The following TTLL8 variants were observed in gnomAD, a reference collection of about 807,000 sequenced individuals.
The protein encoded by TTLL8 is tubulin tyrosine ligase like 8, also known as protein monoglycylase TTLL8.
In TTLL8, 65 loss-of-function variants were observed where a neutral mutation model predicts 77.8. That is an observed-to-expected ratio of 0.84 (90% confidence interval 0.68 to 1.03). The LOEUF is 1.03. TTLL8 is among the 50% of genes least tolerant of loss of function. TTLL8 has a pLI of 0.00. For synonymous variants in TTLL8, 402 were observed against 422.8 expected (o/e 0.95, Z 0.60); for missense variants, 910 against 1,004.5 (o/e 0.91, Z 1.27).
At chr22:50,056,885 G>A (rs773465256), upstream of TTLL8, 58 of 1,289,552 alleles carry the variant, frequency 4.5e-5, no homozygotes, top group African/African-American at 1.8e-4. This position sits in a 1 kb window ranked among gnomAD's most constrained non-coding sequence, Gnocchi z 4.1. Context: ...CTTCTCTCCC[G>A]TCTCCATCTG....
At chr22:50,024,388 G>A (rs1281070165) in intron 12 of TTLL8, among the ~76,000 whole-genome samples, 1 of 152,146 alleles carries the variant, frequency 6.6e-6, no homozygotes, top group African/African-American at 2.4e-5. Context: ...GCCTCCCAGA[G>A]TGCTGGGGTT....
intron 12 of TTLL8, among the ~76,000 whole-genome samples, chr22:50,028,338 C>T (rs1177648762): frequency 1.3e-5 from 2 of 152,256 alleles, no homozygotes; most frequent in African/African-American, 4.8e-5. Context: ...GGCAACACTG[C>T]CCTGTGGCAG....
In TTLL8 at chr22:50,019,590, C is replaced by T. The variant is rs114315042; in HGVS notation, c.2204-3028G>A. On this transcript the variant is annotated intron_variant, in intron 12 of 13. Transcript: ENST00000266182. ...GACACTCAGCCCTGTGGAAGGTCCA[C>T]GTGGGAGGGACTGATGGGGGGTGCA... Among the ~76,000 whole-genome samples the T allele has an allele frequency of 3.8e-3, 586 of 152,262 alleles. 6 individuals are homozygous for T. Among genetic ancestry groups the T allele is most frequent in the African/African-American group, 0.014 (569 of 41,552 alleles).
chr22:50,045,636 G>A (rs924481339), intron 5 of TTLL8: 64 of 599,000 alleles, frequency 1.1e-4, no homozygotes, highest in Non-Finnish European at 1.3e-4. Flanking sequence ...TGCTCGCCGC[G>A]CTGTCCACAA....
intron 2 of TTLL8, among the ~76,000 whole-genome samples, chr22:50,049,715 C>G (rs1281519617): frequency 1.3e-5 from 2 of 152,046 alleles, no homozygotes; most frequent in East Asian, 3.9e-4. Context: ...CTCAATGGGG[C>G]CAAGAGGATG....
chr22:50,026,788 T>C (rs1229057728), intron 12 of TTLL8, among the ~76,000 whole-genome samples: 1 of 152,194 alleles, frequency 6.6e-6, no homozygotes, highest in Non-Finnish European at 1.5e-5. Flanking sequence ...AGATACTATT[T>C]ACTAGGCAAG....
intron 3 of TTLL8, chr22:50,049,048 C>T (rs572662428): frequency 7.0e-4 from 437 of 623,288 alleles, no homozygotes; most frequent in Non-Finnish European, 8.3e-4. Context: ...CACAGCGGCT[C>T]ATCCAGCACC....
chr22:50,049,539 C>G (rs1237842986), intron 2 of TTLL8, among the ~76,000 whole-genome samples: 1 of 152,186 alleles, frequency 6.6e-6, no homozygotes, highest in Non-Finnish European at 1.5e-5. Flanking sequence ...GTCCACCGCA[C>G]AGCACCTCCC....
At chr22:50,058,126 G>A (rs2061496708), upstream of TTLL8, among the ~76,000 whole-genome samples, 2 of 151,912 alleles carry the variant, frequency 1.3e-5, no homozygotes, top group African/African-American at 4.8e-5. The surrounding 1 kb of genome is among the most constrained non-coding windows in gnomAD (Gnocchi z 4.2). Flanking sequence ...GACGGGCCTG[G>A]GGTTCCGCGG....
intron 11 of TTLL8, 107 bp from the exon 13 acceptor site, chr22:50,031,032 T>A: frequency 9.4e-7 from 1 of 1,060,142 alleles, no homozygotes; most frequent in Non-Finnish European, 1.2e-6. Context: ...GACCCCCACC[T>A]GACTCAGGAG....
chr22:50,027,407 G>A lies in TTLL8; in HGVS notation c.2203+3023C>T, dbSNP rs575895921. 1.8e-4 allele frequency among the ~76,000 whole-genome samples: 27 copies of A among 151,650 alleles called. No homozygotes were observed. In the South Asian group the frequency reaches 3.5e-3, roughly 20 times the overall value. ...ATATTAACTGGGCATGGTGGTGGGC[G>A]CCTGTGGTCCCAGCTACTCAGGAGG... is the stretch of plus-strand genomic sequence containing the variant. On this transcript the variant is annotated intron_variant, in intron 12 of 13. Transcript: ENST00000266182.
At chr22:50,032,011 C>T in exon 11 of TTLL8, 1 of 1,366,582 alleles carries the variant, frequency 7.3e-7, no homozygotes, top group South Asian at 1.1e-5. Context: ...CTCCTGGAAC[C>T]TGGTGCTGGT....
intron 12 of TTLL8, 198 bp downstream of exon 13, chr22:50,030,232 C>T (rs532068592): frequency 8.6e-5 from 85 of 985,226 alleles, no homozygotes; most frequent in Non-Finnish European, 1.0e-4. Flanking sequence ...CACCCCGAGA[C>T]CCCCGTGCCG....
intron 3 of TTLL8, among the ~76,000 whole-genome samples, chr22:50,047,791 A>T (rs1343769966): frequency 6.6e-6 from 1 of 152,172 alleles, no homozygotes; most frequent in Non-Finnish European, 1.5e-5. Context: ...TAACAATGGC[A>T]TGTGTTAAGT....
chr22:50,043,266 C>T (rs889397518), intron 6 of TTLL8, among the ~76,000 whole-genome samples: 4 of 148,512 alleles, frequency 2.7e-5, no homozygotes, highest in Admixed American at 1.4e-4. Flanking sequence ...GGTGCCGAGA[C>T]GTCCTTCGGT....
intron 12 of TTLL8, among the ~76,000 whole-genome samples, chr22:50,019,192 A>C (rs990995745): frequency 6.6e-6 from 1 of 152,214 alleles, no homozygotes; most frequent in Non-Finnish European, 1.5e-5. Flanking sequence ...TGAGTAAAAC[A>C]CCAGAAACAG....
Position 50,044,669 on chromosome 22 carries a change from TG to T in TTLL8, c.643+585del, listed in dbSNP as rs1383886369. The stretch of plus-strand genomic sequence containing the variant: ...CAACAGTCGAAGCGCACTGCTCTGG[TG>T]GGGGATGTTGGCGGTGCAGGAGGCG... On this transcript the variant is annotated intron_variant, in intron 6 of 13. Coordinates refer to ENST00000266182, the Ensembl canonical transcript of TTLL8. The surrounding 1 kb of genome is among the most constrained non-coding windows in gnomAD (Gnocchi z 4.2). Among the ~76,000 whole-genome samples the T allele has an allele frequency of 1.3e-5, 2 of 152,162 alleles. No individual in the cohort carries two copies. Among genetic ancestry groups the T allele is most frequent in the Non-Finnish European group, 2.9e-5 (2 of 68,036 alleles).
chr22:50,037,600 T>C (rs1310971886), intron 8 of TTLL8, among the ~76,000 whole-genome samples: 2 of 152,236 alleles, frequency 1.3e-5, no homozygotes, highest in African/African-American at 4.8e-5. Flanking sequence ...TTTTTTCGTA[T>C]GGCTGACCAC....
At chr22:50,056,904 G>A (rs1343103624), upstream of TTLL8, 1 of 1,289,622 alleles carries the variant, frequency 7.8e-7, no homozygotes, top group Non-Finnish European at 1.0e-6. This position sits in a 1 kb window ranked among gnomAD's most constrained non-coding sequence, Gnocchi z 4.1. Context: ...TGAAGAAGAA[G>A]CCAACGATAG....
Sources: allele counts gnomAD v4.1 joint callset (sites outside exome capture counted in the v4.1 genomes callset), GRCh38; gene constraint gnomAD v4.1.1; non-coding constraint Gnocchi (gnomAD v3.1); transcripts MANE v1.5; gene names NCBI Gene and HGNC (gene_info 2026-07-23, HGNC 2026-07-21).